Variants in IFT88 observed in about 807,000 individuals in gnomAD.
The protein encoded by IFT88 is intraflagellar transport 88, also known as intraflagellar transport protein 88 homolog.
Under a neutral mutation model 119.5 loss-of-function variants are expected in IFT88, and 74 were observed. The observed-to-expected ratio is 0.62, with a 90% CI of 0.51 to 0.75. IFT88 has a LOEUF of 0.75. Ranked by LOEUF, IFT88 falls within the 30% of genes least tolerant of loss-of-function variation. The pLI is 0.00. For missense variants in IFT88, 961 were observed against 977.7 expected (o/e 0.98, Z 0.23); for synonymous variants, 279 against 316.7 (o/e 0.88, Z 1.26).
intron 15 of IFT88, among the ~76,000 whole-genome samples, chr13:20,628,401 A>G (rs1445629736): frequency 6.6e-6 from 1 of 152,238 alleles, no homozygotes; most frequent in Non-Finnish European, 1.5e-5. Context: ...AAAGGAGACC[A>G]GGACAGACAT....
rs750818479 is a variant in IFT88 at position 20,574,465 on chromosome 13, A to G, written c.80A>G (p.Tyr27Cys). The change falls in exon 2 of 26, where the codon TAT (tyrosine) becomes TGT (cysteine). Residue 27 changes from tyrosine (Y) to cysteine (C), a missense_variant. Tyr to Cys is a radical substitution (Grantham distance 194). Transcript: ENST00000351808. Reference protein sequence around the residue: ...YSGYNDYNPIYDIEELENDAA... With the variant: ...YSGYNDYNPICDIEELENDAA... The stretch of plus-strand genomic sequence containing the variant: ...GGCTATAATGACTACAATCCAATCT[A>G]TGATATCGAGGTAACAAAAGCTAGT... 8.2e-6 allele frequency: 13 copies of G among 1,590,782 alleles called. No homozygotes were observed. In the South Asian group the frequency reaches 1.3e-4, roughly 16 times the overall value.
chr13:20,617,778 A>G (rs754675088), intron 14 of IFT88, among the ~76,000 whole-genome samples: 2 of 152,164 alleles, frequency 1.3e-5, no homozygotes, highest in African/African-American at 2.4e-5. Context: ...AATGCTCTTC[A>G]GAGAACAACT....
At chr13:20,658,383 G>T (rs368377279) in intron 22 of IFT88, among the ~76,000 whole-genome samples, 1 of 152,092 alleles carries the variant, frequency 6.6e-6, no homozygotes, top group Non-Finnish European at 1.5e-5. Flanking sequence ...GCCCGGCCTA[G>T]AACTTTTTTA....
intron 16 of IFT88, 73 bp downstream of exon 16, chr13:20,631,175 C>A: frequency 1.1e-6 from 1 of 948,882 alleles, no homozygotes; most frequent in Non-Finnish European, 1.7e-6. Flanking sequence ...AAGGATCATG[C>A]CTAGGGAGAG....
rs1201176389 is a variant in IFT88 at position 20,691,051 on chromosome 13, T to C, written c.2354-3T>C. ...CTAACGTGACAATCTCTTCGAAACC[T>C]AGATGCCTCCTATGTGGACCCACTT... On this transcript the variant is annotated splice_polypyrimidine_tract_variant and splice_region_variant and intron_variant, in intron 25 of 25. Coordinates refer to ENST00000351808, the MANE Select transcript of IFT88 (RefSeq NM_006531.5). The C allele has an allele frequency of 1.2e-6, 2 of 1,612,288 alleles. No individual in the cohort carries two copies. The highest frequency in any genetic ancestry group is 1.3e-5 in the African/African-American group (1 of 74,856).
chr13:20,655,633 A>G (rs560268002), intron 21 of IFT88, among the ~76,000 whole-genome samples: 45 of 152,088 alleles, frequency 3.0e-4, no homozygotes, highest in African/African-American at 1.1e-3. Flanking sequence ...AGCTGGGTTT[A>G]TAGGTGTGTG....
chr13:20,580,940 TG>T (rs1190571483), intron 2 of IFT88, among the ~76,000 whole-genome samples: 1 of 152,040 alleles, frequency 6.6e-6, no homozygotes, highest in Non-Finnish European at 1.5e-5. Context: ...TTAGCCAGGA[TG>T]GTCTCGATCT....
At chr13:20,620,146 A>G (rs1461030276) in intron 14 of IFT88, among the ~76,000 whole-genome samples, 2 of 152,134 alleles carry the variant, frequency 1.3e-5, no homozygotes, top group Non-Finnish European at 2.9e-5. Flanking sequence ...ACATTTAGAT[A>G]CAGGATCTAT....
intron 1 of IFT88, among the ~76,000 whole-genome samples, chr13:20,573,868 T>C (rs532918626): frequency 6.6e-6 from 1 of 152,356 alleles, no homozygotes; most frequent in South Asian, 2.1e-4. Context: ...CTGTCACTGT[T>C]CTTTCAGTGT....
chr13:20,587,854 A>T (rs1474902663), intron 3 of IFT88, among the ~76,000 whole-genome samples: 1 of 152,090 alleles, frequency 6.6e-6, no homozygotes, highest in Non-Finnish European at 1.5e-5. Flanking sequence ...CAATTTATTT[A>T]AAATGTAATT....
chr13:20,607,758 T>A, intron 13 of IFT88: 1 of 749,982 alleles, frequency 1.3e-6, no homozygotes, highest in Non-Finnish European at 2.5e-6. Flanking sequence ...TTGCCTAGAA[T>A]GTCATTGCCT....
At position 20,603,009 on chromosome 13, in the gene IFT88, A is replaced by G. The variant is rs140045173; in HGVS notation, c.1041+1076A>G. Among the ~76,000 whole-genome samples the G allele has an allele frequency of 5.6e-3, 849 of 152,340 alleles. 10 individuals are homozygous for G. Among genetic ancestry groups the G allele is most frequent in the African/African-American group, 0.019 (805 of 41,570 alleles). On this transcript the variant is annotated intron_variant, in intron 12 of 25. Coordinates refer to ENST00000351808, the MANE Select transcript of IFT88 (RefSeq NM_006531.5). ...TAATGTTAAGTGAAAACATACAGCT[A>G]TGCACACTTATACATGAACATAAAC...
chr13:20,665,972 T>C (rs917868543), intron 23 of IFT88, among the ~76,000 whole-genome samples: 1 of 152,250 alleles, frequency 6.6e-6, no homozygotes, highest in Non-Finnish European at 1.5e-5. Context: ...TCCTTTGGAA[T>C]TGAAGCCACT....
At chr13:20,570,011 C>A (rs560230171) in intron 1 of IFT88, among the ~76,000 whole-genome samples, 1 of 149,668 alleles carries the variant, frequency 6.7e-6, no homozygotes, top group East Asian at 2.0e-4. Flanking sequence ...TGCCCTCTAG[C>A]CTAGGCGACA....
intron 7 of IFT88, 61 bp from the exon 8 acceptor site, chr13:20,596,089 T>A (rs1593972666): frequency 1.0e-5 from 3 of 293,476 alleles, no homozygotes; most frequent in Non-Finnish European, 1.8e-5. Flanking sequence ...ATAAAATAAA[T>A]TTTAGTATAG....
At chr13:20,602,024 TG>T (rs1403798830) in intron 12 of IFT88, 91 bp downstream of exon 12, 1 of 721,852 alleles carries the variant, frequency 1.4e-6, no homozygotes, top group Non-Finnish European at 2.3e-6. Flanking sequence ...GATGACTTCT[TG>T]GGTTTTTCCC....
intron 20 of IFT88, among the ~76,000 whole-genome samples, chr13:20,651,988 C>G (rs1265185573): frequency 1.3e-5 from 2 of 152,152 alleles, no homozygotes; most frequent in African/African-American, 4.8e-5. Context: ...AGAACAAATA[C>G]TCCACTTACA....
intron 23 of IFT88, among the ~76,000 whole-genome samples, chr13:20,669,463 G>A (rs1275656205): frequency 5.5e-5 from 8 of 146,426 alleles, no homozygotes; most frequent in African/African-American, 7.6e-5. Context: ...TCTCTCTGTC[G>A]CCCAGGCTGG....
At chr13:20,647,711 T>C (rs1353113843) in intron 20 of IFT88, among the ~76,000 whole-genome samples, 1 of 152,118 alleles carries the variant, frequency 6.6e-6, no homozygotes. Context: ...TAAGACACCA[T>C]CAAGTGGACC....
Sources: gnomAD v4.1 joint callset for allele counts (sites outside exome capture counted in the v4.1 genomes callset) on GRCh38, gnomAD v4.1.1 for gene constraint, MANE v1.5 for transcripts, NCBI Gene and HGNC (gene_info 2026-07-23, HGNC 2026-07-21) for gene names.